Variants in ARHGEF28 observed in about 807,000 individuals in gnomAD.
ARHGEF28 encodes Rho guanine nucleotide exchange factor 28.
Under a neutral mutation model 206.6 loss-of-function variants are expected in ARHGEF28, and 152 were observed. That is an observed-to-expected ratio of 0.74 (90% CI 0.64 to 0.84). The LOEUF is 0.84. ARHGEF28 is among the 40% of genes least tolerant of loss of function. The probability of loss-of-function intolerance (pLI) is 0.00; values close to 1 mark genes in which losing one functional copy is unlikely to be tolerated. For synonymous variants in ARHGEF28, 763 were observed against 776.4 expected, an observed-to-expected ratio of 0.98 and a Z score of 0.29; for missense variants, 2,028 against 2,073.2, an observed-to-expected ratio of 0.98 and a Z score of 0.42.
chr5:73,770,301 C>G (rs150462242), intron 4 of ARHGEF28, among the ~76,000 whole-genome samples: 8 of 152,288 alleles, frequency 5.3e-5, no homozygotes, highest in African/African-American at 1.4e-4. Context: ...GAAGCACAAA[C>G]TCCACACTCC....
At chr5:73,665,822 G>GGAAA (rs1264340638) in intron 1 of ARHGEF28, among the ~76,000 whole-genome samples, 1 of 152,116 alleles carries the variant, frequency 6.6e-6, no homozygotes, top group Non-Finnish European at 1.5e-5. Context: ...TCCAACAGGT[G>GGAAA]CTTTTCTGGA....
chr5:73,682,345 T>C (rs1388602974), intron 1 of ARHGEF28, among the ~76,000 whole-genome samples: 2 of 152,094 alleles, frequency 1.3e-5, no homozygotes, highest in African/African-American at 2.4e-5. Flanking sequence ...TACCTCAAAA[T>C]AGAACTTTTC....
At chr5:73,886,196 G>T (rs890913765) in intron 25 of ARHGEF28, 92 bp downstream of exon 25, 94 of 1,464,122 alleles carry the variant, frequency 6.4e-5, no homozygotes, top group Non-Finnish European at 7.8e-5. Flanking sequence ...GTTCAGAATT[G>T]CAGGCACACA....
intron 11 of ARHGEF28, among the ~76,000 whole-genome samples, chr5:73,841,280 CATAA>C (rs1265478242): frequency 6.6e-6 from 1 of 152,036 alleles, no homozygotes; most frequent in African/African-American, 2.4e-5. Flanking sequence ...CATCTGCATG[CATAA>C]TAACATAGAC....
At chr5:73,806,507 CTATA>C (rs1315278129) in intron 9 of ARHGEF28, among the ~76,000 whole-genome samples, 1 of 113,688 alleles carries the variant, frequency 8.8e-6, no homozygotes, top group African/African-American at 3.9e-5. Context: ...TAGTATATAT[CTATA>C]TATAGTATGT....
At chr5:73,647,758 T>C (rs899006211) in intron 1 of ARHGEF28, among the ~76,000 whole-genome samples, 8 of 152,246 alleles carry the variant, frequency 5.3e-5, no homozygotes, top group African/African-American at 1.9e-4. Flanking sequence ...AAGGGGAGAA[T>C]TGATATTGAG....
At chr5:73,664,151 C>T (rs931760020) in intron 1 of ARHGEF28, among the ~76,000 whole-genome samples, 14 of 152,344 alleles carry the variant, frequency 9.2e-5, no homozygotes, top group African/African-American at 3.4e-4. Flanking sequence ...TACTGCTCCA[C>T]CTGCCTAGGT....
intron 1 of ARHGEF28, among the ~76,000 whole-genome samples, chr5:73,642,558 GGGTGACTTCTCATTC>G (rs1744183170): frequency 6.6e-6 from 1 of 151,978 alleles, no homozygotes; most frequent in Non-Finnish European, 1.5e-5. Flanking sequence ...TTTGAACTGA[GGGTGACTTCTCATTC>G]GGTCACTCCC....
At chr5:73,692,494 C>G (rs917314490) in intron 2 of ARHGEF28, among the ~76,000 whole-genome samples, 13 of 152,086 alleles carry the variant, frequency 8.5e-5, no homozygotes, top group African/African-American at 3.1e-4. Context: ...TTATATTATT[C>G]TTTTATTCTG....
intron 4 of ARHGEF28, among the ~76,000 whole-genome samples, chr5:73,770,736 T>A (rs1753177571): frequency 6.6e-6 from 1 of 152,216 alleles, no homozygotes; most frequent in Admixed American, 6.5e-5. Flanking sequence ...AAGCTCTCTC[T>A]TACAACATTT....
chr5:73,893,389 C>T, intron 28 of ARHGEF28, 101 bp downstream of exon 28: 4 of 893,752 alleles, frequency 4.5e-6, no homozygotes, highest in Non-Finnish European at 4.7e-6. Flanking sequence ...ATGATTCATC[C>T]TGTGCACCTG....
At position 73,894,508 on chromosome 5, in the gene ARHGEF28, C is replaced by A. The variant is rs1311196979; in HGVS notation, c.3774C>A (p.Leu1258=). Residue 1258 remains leucine (L), a synonymous_variant, in exon 29 of 36, where the codon CTC becomes CTA. Transcript: ENST00000513042. ...AGGACGTCCATCTAGAGCCCCACCT[C>A]CTTATTAAACCTGACCCAGGCGAGC... The part of the protein sequence containing the change: ...GFEDVHLEPH[L]LIKPDPGEPP... 6.2e-7 allele frequency: 1 copy of A among 1,613,844 alleles called. No individual in the cohort carries two copies.
At chr5:73,744,764 A>G (rs1180224143) in intron 2 of ARHGEF28, among the ~76,000 whole-genome samples, 1 of 152,034 alleles carries the variant, frequency 6.6e-6, no homozygotes, top group African/African-American at 2.4e-5. Flanking sequence ...CCATTGGAAG[A>G]TAGTTTATGT....
At chr5:73,688,257 A>G (rs1007058050) in intron 2 of ARHGEF28, among the ~76,000 whole-genome samples, 2 of 152,226 alleles carry the variant, frequency 1.3e-5, no homozygotes, top group Admixed American at 6.5e-5. Flanking sequence ...GAAGGAAAAA[A>G]ATTGATTGAA....
At chr5:73,784,896 A>T (rs1404722598) in intron 7 of ARHGEF28, among the ~76,000 whole-genome samples, 1 of 152,200 alleles carries the variant, frequency 6.6e-6, no homozygotes, top group African/African-American at 2.4e-5. Flanking sequence ...GGTTACTTGG[A>T]CATAAGCACT....
intron 6 of ARHGEF28, among the ~76,000 whole-genome samples, chr5:73,779,437 T>C (rs1436540185): frequency 6.6e-6 from 1 of 152,268 alleles, no homozygotes; most frequent in Non-Finnish European, 1.5e-5. Context: ...GAATATATTC[T>C]ATTTTCAAGA....
intron 2 of ARHGEF28, among the ~76,000 whole-genome samples, chr5:73,735,006 T>C (rs1266556506): frequency 6.6e-6 from 1 of 152,074 alleles, no homozygotes; most frequent in Admixed American, 6.6e-5. Context: ...CAAAATATCC[T>C]CTTCTGTAAA....
chr5:73,832,970 A>G (rs1438261481), intron 10 of ARHGEF28, among the ~76,000 whole-genome samples: 2 of 152,226 alleles, frequency 1.3e-5, no homozygotes, highest in Non-Finnish European at 2.9e-5. Context: ...GAATGGTATC[A>G]TATTATAAAG....
intron 4 of ARHGEF28, among the ~76,000 whole-genome samples, chr5:73,758,644 C>G (rs1417386856): frequency 6.6e-6 from 1 of 152,138 alleles, no homozygotes; most frequent in African/African-American, 2.4e-5. Context: ...TGACCTCTGC[C>G]TCCCGGATTC....
Sources: allele counts gnomAD v4.1 joint callset (sites outside exome capture counted in the v4.1 genomes callset), GRCh38; gene constraint gnomAD v4.1.1; transcripts MANE v1.5; gene names NCBI Gene and HGNC (gene_info 2026-07-23, HGNC 2026-07-21).